Variants in DYNC1I1 observed in about 807,000 individuals in gnomAD.
The protein encoded by DYNC1I1 is dynein cytoplasmic 1 intermediate chain 1, also known as cytoplasmic dynein 1 intermediate chain 1.
In DYNC1I1, 43 loss-of-function variants were observed where a neutral mutation model predicts 86.6. The ratio of observed to expected loss-of-function variants is 0.50; its 90% CI spans 0.39 to 0.64. DYNC1I1 has a LOEUF of 0.64. Ranked by LOEUF, DYNC1I1 falls within the 30% of genes least tolerant of loss-of-function variation. DYNC1I1 has a pLI of 0.00. For synonymous variants in DYNC1I1, 262 were observed against 283.7 expected, an observed-to-expected ratio of 0.92 and a Z score of 0.77; for missense variants, 604 against 788.8, an observed-to-expected ratio of 0.77 and a Z score of 2.81.
chr7:95,892,704 T>C (rs1844138), intron 6 of DYNC1I1, among the ~76,000 whole-genome samples: 141,827 of 152,174 alleles, frequency 0.93, 66,459 homozygotes, highest in Non-Finnish European at 0.98. Context: ...ACCTTGGCCT[T>C]CCAAAGTGCT....
chr7:95,789,801 G>A (rs772717026), intron 1 of DYNC1I1, among the ~76,000 whole-genome samples: 4 of 152,192 alleles, frequency 2.6e-5, no homozygotes, highest in African/African-American at 4.8e-5. Flanking sequence ...AAATTTTTCA[G>A]TTTAAGAATT....
chr7:96,072,619 G>T lies in DYNC1I1; in HGVS notation c.1510-3438G>T, dbSNP rs1790203029. Among the ~76,000 whole-genome samples the T allele has an allele frequency of 2.0e-5, 3 of 152,062 alleles. No individual in the cohort carries two copies. The South Asian group carries it at 6.2e-4, about 32-fold the overall frequency. On this transcript the variant is annotated intron_variant, in intron 14 of 16. Coordinates refer to ENST00000447467, the MANE Select transcript of DYNC1I1 (RefSeq NM_001135556.2). The stretch of plus-strand genomic sequence containing the variant: ...ATTCTCACAATTATTGGTCAAATTT[G>T]CCCCCATCATCTCCAGCCTTTTCAA...
intron 6 of DYNC1I1, among the ~76,000 whole-genome samples, chr7:95,954,394 TG>T (rs1255306354): frequency 6.6e-6 from 1 of 151,912 alleles, no homozygotes; most frequent in Admixed American, 6.6e-5. Flanking sequence ...GTGTGCTTCA[TG>T]CAACTGTATT....
At chr7:95,856,182 G>T (rs1235417282) in intron 5 of DYNC1I1, among the ~76,000 whole-genome samples, 1 of 151,576 alleles carries the variant, frequency 6.6e-6, no homozygotes, top group Non-Finnish European at 1.5e-5. Context: ...TTTTTGTTAA[G>T]AACTGTGACA....
intron 5 of DYNC1I1, among the ~76,000 whole-genome samples, chr7:95,852,306 T>C (rs555591296): frequency 6.6e-6 from 1 of 152,144 alleles, no homozygotes; most frequent in Admixed American, 6.5e-5. Context: ...TAATTGTTCA[T>C]AATAGTCTTT....
intron 1 of DYNC1I1, among the ~76,000 whole-genome samples, chr7:95,788,517 G>T (rs1180139151): frequency 6.6e-6 from 1 of 152,198 alleles, no homozygotes; most frequent in Non-Finnish European, 1.5e-5. Context: ...TCCAGGTGGT[G>T]TGCTGGCGCC....
At chr7:95,900,053 G>A (rs554633286) in intron 6 of DYNC1I1, among the ~76,000 whole-genome samples, 2 of 152,274 alleles carry the variant, frequency 1.3e-5, no homozygotes, top group South Asian at 4.1e-4. Context: ...CGATGACCCA[G>A]AAAGGGTCTG....
chr7:96,107,205 T>A (rs1791229711), intron 16 of DYNC1I1, among the ~76,000 whole-genome samples: 1 of 151,998 alleles, frequency 6.6e-6, no homozygotes, highest in African/African-American at 2.4e-5. Flanking sequence ...ATTTGTATTA[T>A]TTTTAGTAGA....
At chr7:95,887,512 T>C (rs1790625383) in intron 6 of DYNC1I1, among the ~76,000 whole-genome samples, 1 of 152,176 alleles carries the variant, frequency 6.6e-6, no homozygotes. Context: ...ACATAGTATC[T>C]CTTTCATTTA....
intron 6 of DYNC1I1, among the ~76,000 whole-genome samples, chr7:95,919,400 T>C (rs755181701): frequency 5.3e-5 from 8 of 152,230 alleles, no homozygotes; most frequent in Non-Finnish European, 1.2e-4. Flanking sequence ...TTCATAAATA[T>C]AGATTAATTT....
chr7:96,030,958 A>G (rs1280985192), intron 11 of DYNC1I1, among the ~76,000 whole-genome samples: 2 of 152,186 alleles, frequency 1.3e-5, no homozygotes, highest in Non-Finnish European at 2.9e-5. Context: ...TACTATGTGC[A>G]GATCCACTAA....
intron 9 of DYNC1I1, among the ~76,000 whole-genome samples, chr7:95,992,561 A>G (rs1232245368): frequency 6.6e-6 from 1 of 152,174 alleles, no homozygotes; most frequent in Admixed American, 6.6e-5. Context: ...GAATTAACAT[A>G]TCAGTGTCTG....
chr7:95,776,111 T>G (rs906389249), intron 1 of DYNC1I1, among the ~76,000 whole-genome samples: 1 of 152,132 alleles, frequency 6.6e-6, no homozygotes, highest in African/African-American at 2.4e-5. Context: ...GACAATCACT[T>G]GAGCCCAGGA....
rs370236137 is a variant in DYNC1I1 at position 95,944,988 on chromosome 7, C to T, written c.491-32524C>T. On this transcript the variant is annotated intron_variant, in intron 6 of 16. Transcript: ENST00000447467. ...TGTATACATATGTAACTAACCTGCA[C>T]ATTGTGCACATGTACCCTAAAACTT... Among the ~76,000 whole-genome samples, 57 of 151,032 alleles carry T rather than the reference C, an allele frequency of 3.8e-4. 1 individual carries two copies. In the South Asian group the frequency reaches 0.012, roughly 32 times the overall value.
At chr7:95,921,163 A>G (rs139775350) in intron 6 of DYNC1I1, among the ~76,000 whole-genome samples, 6 of 152,300 alleles carry the variant, frequency 3.9e-5, no homozygotes, top group African/African-American at 1.4e-4. Context: ...TTTAAAAGAA[A>G]GTTAAATATA....
chr7:96,095,604 T>C (rs1382430613), intron 16 of DYNC1I1, among the ~76,000 whole-genome samples: 1 of 152,170 alleles, frequency 6.6e-6, no homozygotes. Flanking sequence ...GGGAAAAAGT[T>C]ATAAATGTGT....
chr7:95,784,600 G>C (rs1311688276), intron 1 of DYNC1I1, among the ~76,000 whole-genome samples: 1 of 152,218 alleles, frequency 6.6e-6, no homozygotes, highest in East Asian at 1.9e-4. Flanking sequence ...TCTGTCTTTG[G>C]CAAATAGTTA....
intron 5 of DYNC1I1, among the ~76,000 whole-genome samples, chr7:95,829,562 A>G (rs1795276314): frequency 6.6e-6 from 1 of 152,174 alleles, no homozygotes; most frequent in Non-Finnish European, 1.5e-5. Flanking sequence ...GAACTGGCAG[A>G]GACTACCCCA....
intron 10 of DYNC1I1, among the ~76,000 whole-genome samples, chr7:96,010,585 G>T (rs1794252314): frequency 6.6e-6 from 1 of 152,280 alleles, no homozygotes; most frequent in African/African-American, 2.4e-5. Context: ...CCTGGGGAGG[G>T]TCTGACCAAT....
Sources: allele counts gnomAD v4.1 joint callset (sites outside exome capture counted in the v4.1 genomes callset), GRCh38; gene constraint gnomAD v4.1.1; transcripts MANE v1.5; gene names NCBI Gene and HGNC (gene_info 2026-07-23, HGNC 2026-07-21).